The following BCAS3 variants were observed in gnomAD, a reference collection of about 807,000 sequenced individuals.
BCAS3 encodes BCAS4/BCAS3 fusion.
Under a neutral mutation model 116.1 loss-of-function variants are expected in BCAS3, and 53 were observed. The ratio of observed to expected loss-of-function variants is 0.46; its 90% confidence interval spans 0.37 to 0.57. The LOEUF (loss-of-function observed/expected upper bound fraction) is 0.57. BCAS3 is among the 20% of genes least tolerant of loss of function. BCAS3 has a pLI of 0.00. For synonymous variants in BCAS3, 391 were observed against 408.2 expected, an observed-to-expected ratio of 0.96 and a Z score of 0.51; for missense variants, 917 against 1,165.4, an observed-to-expected ratio of 0.79 and a Z score of 3.10.
chr17:61,292,423 G>A (rs1228087272), intron 22 of BCAS3, among the ~76,000 whole-genome samples: 3 of 152,102 alleles, frequency 2.0e-5, no homozygotes, highest in Non-Finnish European at 4.4e-5. Flanking sequence ...GGCCGAGGTG[G>A]GCAGATCACT....
chr17:61,022,151 A>G (rs771033517), intron 16 of BCAS3, among the ~76,000 whole-genome samples: 6 of 152,226 alleles, frequency 3.9e-5, no homozygotes, highest in East Asian at 1.9e-4. Context: ...TTTTTCTGCT[A>G]TATCAGTGGA....
chr17:60,890,199 A>G (rs2057041323), intron 10 of BCAS3, among the ~76,000 whole-genome samples: 3 of 152,228 alleles, frequency 2.0e-5, no homozygotes, highest in African/African-American at 7.2e-5. Context: ...CACGCCTGTA[A>G]TCCCAGCACT....
chr17:60,776,055 G>A (rs528943358), intron 6 of BCAS3, among the ~76,000 whole-genome samples: 28 of 152,130 alleles, frequency 1.8e-4, no homozygotes, highest in Admixed American at 3.3e-4. Context: ...GAGATTAAAA[G>A]CAAAGTTTTG....
chr17:60,707,452 G>C (rs2037315789), intron 4 of BCAS3, among the ~76,000 whole-genome samples: 1 of 152,138 alleles, frequency 6.6e-6, no homozygotes, highest in Non-Finnish European at 1.5e-5. Flanking sequence ...GGGGTACTTA[G>C]CACCCCTACC....
chr17:60,971,496 G>T (rs113630673), intron 14 of BCAS3, among the ~76,000 whole-genome samples: 5 of 152,110 alleles, frequency 3.3e-5, no homozygotes, highest in African/African-American at 1.2e-4. Flanking sequence ...TGATGGCTTT[G>T]CATTATTCTA....
rs1043214614 is a variant in BCAS3 at position 61,106,814 on chromosome 17, G to A, written c.2425+22250G>A. 5.3e-5 allele frequency among the ~76,000 whole-genome samples: 8 copies of A among 152,028 alleles called. No homozygotes were observed. Among genetic ancestry groups the A allele is most frequent in the Non-Finnish European group, 1.5e-5 (1 of 68,000 alleles). Reference sequence around the variant, plus strand: ...TTTTCTATCATTAAACTTTGAGATCGTTTAGAATTTTTTACCATACTAATT... The same window carrying A: ...TTTTCTATCATTAAACTTTGAGATCATTTAGAATTTTTTACCATACTAATT... On this transcript the variant is annotated intron_variant, in intron 22 of 23. Coordinates refer to ENST00000407086, the MANE Select transcript of BCAS3 (RefSeq NM_017679.5). The surrounding 1 kb of genome is among the most constrained non-coding windows in gnomAD (Gnocchi z 4.2).
At chr17:61,090,274 A>G (rs1166614816) in intron 22 of BCAS3, among the ~76,000 whole-genome samples, 1 of 152,218 alleles carries the variant, frequency 6.6e-6, no homozygotes, top group Non-Finnish European at 1.5e-5. Flanking sequence ...TTTTCAATTA[A>G]TAGAGTTTCA....
Position 61,282,394 on chromosome 17 carries a change from A to AC in BCAS3, c.2426-85932dup, listed in dbSNP as rs1443678913. On this transcript the variant is annotated intron_variant, in intron 22 of 23. Coordinates refer to ENST00000407086, the MANE Select transcript of BCAS3 (RefSeq NM_017679.5). The surrounding 1 kb of genome is among the most constrained non-coding windows in gnomAD (Gnocchi z 5.9). ...TGAAAGGTTCTCCCCAAGTGTCCAA[A>AC]CTAGTACCTTTTAAGAGTAGGATGG... Among the ~76,000 whole-genome samples, 1 of 152,232 alleles carries AC rather than the reference A, an allele frequency of 6.6e-6. No homozygotes were observed. Among genetic ancestry groups the AC allele is most frequent in the African/African-American group, 2.4e-5 (1 of 41,468 alleles).
At chr17:61,002,881 A>T (rs962277003) in intron 15 of BCAS3, among the ~76,000 whole-genome samples, 1 of 152,168 alleles carries the variant, frequency 6.6e-6, no homozygotes, top group East Asian at 1.9e-4. Context: ...ACTCTTTTCT[A>T]TTAACATTGA....
At chr17:60,827,459 G>A (rs1005508328) in intron 7 of BCAS3, among the ~76,000 whole-genome samples, 2 of 152,102 alleles carry the variant, frequency 1.3e-5, no homozygotes, top group East Asian at 3.9e-4. Flanking sequence ...TTGCCTAACC[G>A]AGTACTGCAT....
chr17:61,117,452 G>T (rs1425193567), intron 22 of BCAS3, among the ~76,000 whole-genome samples: 2 of 152,038 alleles, frequency 1.3e-5, no homozygotes, highest in Non-Finnish European at 2.9e-5. Context: ...AAAATTAGCT[G>T]GGTGCAGTGG....
intron 22 of BCAS3, among the ~76,000 whole-genome samples, chr17:61,247,597 A>G (rs559620075): frequency 6.6e-6 from 1 of 152,286 alleles, no homozygotes; most frequent in East Asian, 1.9e-4. Context: ...AATACCACCT[A>G]CCAGCAAGAG....
At chr17:60,949,894 G>A (rs1398548752) in intron 14 of BCAS3, among the ~76,000 whole-genome samples, 1 of 152,148 alleles carries the variant, frequency 6.6e-6, no homozygotes, top group Admixed American at 6.5e-5. Context: ...AATATGGGAA[G>A]TTCTACATTA....
intron 4 of BCAS3, among the ~76,000 whole-genome samples, chr17:60,698,183 C>CAAAAAAAAA (rs759028839): frequency 3.6e-5 from 2 of 55,288 alleles, no homozygotes; most frequent in Admixed American, 2.6e-4. Context: ...CTCCGTCTCA[C>CAAAAAAAAA]AAAAAAAAAA....
intron 6 of BCAS3, among the ~76,000 whole-genome samples, chr17:60,766,369 G>C (rs1187007216): frequency 6.6e-6 from 1 of 152,062 alleles, no homozygotes. Context: ...CTACAGATGG[G>C]GTTTTGATGT....
chr17:61,052,715 CTTTTTTTTTTT>C (rs60772345), intron 19 of BCAS3, among the ~76,000 whole-genome samples: 1 of 124,948 alleles, frequency 8.0e-6, no homozygotes, highest in African/African-American at 2.8e-5. Context: ...TTCTTTCTTT[CTTTTTTTTTTT>C]TTTTTTTTTG....
intron 12 of BCAS3, among the ~76,000 whole-genome samples, chr17:60,912,463 A>C (rs897601827): frequency 6.6e-6 from 1 of 152,126 alleles, no homozygotes; most frequent in Non-Finnish European, 1.5e-5. Flanking sequence ...GTTTCAAGAA[A>C]GTTTTTCTGC....
At position 61,278,997 on chromosome 17, in the gene BCAS3, C is replaced by T. The variant is rs532590215; in HGVS notation, c.2426-89330C>T. ...ATGGAGTCTTGCTTTGTCACCCAGG[C>T]TGGAGTACAGTGGCATGTCTGGGCT... On this transcript the variant is annotated intron_variant, in intron 22 of 23. Coordinates refer to ENST00000407086, the MANE Select transcript of BCAS3 (RefSeq NM_017679.5). This position sits in a 1 kb window ranked among gnomAD's most constrained non-coding sequence, Gnocchi z 5.8. Among the ~76,000 whole-genome samples, 1 of 150,930 alleles carries T rather than the reference C, an allele frequency of 6.6e-6. No individual in the cohort carries two copies. The highest frequency in any genetic ancestry group is 6.6e-5 in the Admixed American group (1 of 15,166).
chr17:61,178,376 A>G (rs184760352), intron 22 of BCAS3, among the ~76,000 whole-genome samples: 1 of 152,180 alleles, frequency 6.6e-6, no homozygotes, highest in Non-Finnish European at 1.5e-5. Flanking sequence ...AGCTGCATAC[A>G]GAGTTTTACC....
Sources: allele counts gnomAD v4.1 joint callset (sites outside exome capture counted in the v4.1 genomes callset), GRCh38; gene constraint gnomAD v4.1.1; non-coding constraint Gnocchi (gnomAD v3.1); transcripts MANE v1.5; gene names NCBI Gene and HGNC (gene_info 2026-07-23, HGNC 2026-07-21).